PRDM16: variants seen among roughly 807,000 people sequenced by gnomAD.
PRDM16 encodes the protein histone-lysine N-methyltransferase PRDM16.
Under a neutral mutation model 110.6 loss-of-function variants are expected in PRDM16, and 23 were observed. That is an observed-to-expected ratio of 0.21 (90% CI 0.15 to 0.29). The LOEUF is 0.29. Among genes scored for constraint, PRDM16 ranks in the 10% least tolerant of loss-of-function variants. PRDM16 has a pLI of 1.00. For missense variants in PRDM16, 1,615 were observed against 1,794.3 expected, an observed-to-expected ratio of 0.90 and a Z score of 1.81; for synonymous variants, 799 against 781.8, an observed-to-expected ratio of 1.02 and a Z score of -0.37.
chr1:3,313,348 A>G (rs1462221007), intron 3 of PRDM16, among the ~76,000 whole-genome samples: 4 of 152,166 alleles, frequency 2.6e-5, no homozygotes, highest in Non-Finnish European at 4.4e-5. Context: ...GAGCTCCCAG[A>G]CCGGAGGGCG....
rs1642031436 is a variant in PRDM16, at chr1:3,081,656, T to C, written c.37+12360T>C. Among the ~76,000 whole-genome samples, 1 of 152,116 alleles carries C rather than the reference T, an allele frequency of 6.6e-6. No homozygotes were observed. The highest frequency in any genetic ancestry group is 1.5e-5 in the Non-Finnish European group (1 of 68,018). On this transcript the variant is annotated intron_variant, in intron 1 of 16. Transcript: ENST00000270722. The surrounding 1 kb of genome is among the most constrained non-coding windows in gnomAD (Gnocchi z 4.6). ...AGCTCCAGGAAGCCTTGCTGTGGAC[T>C]GGGCAGGACAGCTGGACCTCCTGGC...
chr1:3,358,758 G>A lies in PRDM16; in HGVS notation c.439-26394G>A, dbSNP rs1467572269. 6.6e-6 allele frequency among the ~76,000 whole-genome samples: 1 copy of A among 152,222 alleles called. No individual in the cohort carries two copies. Among genetic ancestry groups the A allele is most frequent in the Non-Finnish European group, 1.5e-5 (1 of 68,040 alleles). ...TAACCTGCTCCAAACCCAGGACACT[G>A]TGTGTGAGTCCCACCTCCTTCCAGT... On this transcript the variant is annotated intron_variant, in intron 3 of 16. Coordinates refer to ENST00000270722, the MANE Select transcript of PRDM16 (RefSeq NM_022114.4). The surrounding 1 kb of genome is among the most constrained non-coding windows in gnomAD (Gnocchi z 4.0).
chr1:3,333,936 AGC>A (rs2100494323), intron 3 of PRDM16, among the ~76,000 whole-genome samples: 1 of 152,264 alleles, frequency 6.6e-6, no homozygotes, highest in East Asian at 1.9e-4. Flanking sequence ...CCCTGAGCTG[AGC>A]TGATGCTGGT....
At chr1:3,230,980 C>T (rs968469400) in intron 2 of PRDM16, among the ~76,000 whole-genome samples, 2 of 152,062 alleles carry the variant, frequency 1.3e-5, no homozygotes, top group Non-Finnish European at 1.5e-5. Flanking sequence ...GGGGAAGGCT[C>T]GTCCCCGCCT....
chr1:3,175,940 C>T lies in PRDM16; in HGVS notation c.38-10185C>T, dbSNP rs1038862793. On this transcript the variant is annotated intron_variant, in intron 1 of 16. Transcript: ENST00000270722. This position sits in a 1 kb window ranked among gnomAD's most constrained non-coding sequence, Gnocchi z 4.8. ...TGTTGGAAACTGCCCTGGAGGTTGC[C>T]CTTACCCCATCCATCCATCCACTCA... 7.9e-5 allele frequency among the ~76,000 whole-genome samples: 12 copies of T among 152,006 alleles called. No individual in the cohort carries two copies. The highest frequency in any genetic ancestry group is 2.9e-4 in the African/African-American group (12 of 41,388).
chr1:3,079,439 G>A (rs1641971815), intron 1 of PRDM16, among the ~76,000 whole-genome samples: 1 of 152,156 alleles, frequency 6.6e-6, no homozygotes, highest in African/African-American at 2.4e-5. Context: ...ACTGTCCCAA[G>A]GTCCCTGGGT....
chr1:3,284,317 A>T (rs1340845761), intron 3 of PRDM16, among the ~76,000 whole-genome samples: 2 of 152,168 alleles, frequency 1.3e-5, no homozygotes, highest in Non-Finnish European at 1.5e-5. Flanking sequence ...ATGTAAACTG[A>T]GTGGTTCCTG....
chr1:3,146,018 C>G (rs551279263), intron 1 of PRDM16, among the ~76,000 whole-genome samples: 5 of 152,280 alleles, frequency 3.3e-5, no homozygotes, highest in Middle Eastern at 3.4e-3. Context: ...CCTCCTGGGC[C>G]CCGTTAGGGA....
chr1:3,244,611 A>T lies in PRDM16; in HGVS notation c.438+474A>T, dbSNP rs555646304. ...AATAAGCAAAACCACGAGGCGAGAG[A>T]AAAAGGGTCCACGTGGCATTATCCA... On this transcript the variant is annotated intron_variant, in intron 3 of 16. Transcript: ENST00000270722. This position sits in a 1 kb window ranked among gnomAD's most constrained non-coding sequence, Gnocchi z 4.1. Among the ~76,000 whole-genome samples the T allele has an allele frequency of 1.3e-4, 20 of 152,308 alleles. No individual in the cohort carries two copies. The highest frequency in any genetic ancestry group is 1.1e-3 in the Admixed American group (17 of 15,302).
chr1:3,155,737 TA>T (rs1222265154), intron 1 of PRDM16, among the ~76,000 whole-genome samples: 1 of 152,174 alleles, frequency 6.6e-6, no homozygotes, highest in Non-Finnish European at 1.5e-5. Flanking sequence ...TTTATTCAAA[TA>T]AAATCTAGGT....
intron 14 of PRDM16, among the ~76,000 whole-genome samples, chr1:3,430,285 C>A (rs1311360858): frequency 6.6e-6 from 1 of 152,184 alleles, no homozygotes; most frequent in Non-Finnish European, 1.5e-5. Flanking sequence ...CTGCAGTGAC[C>A]CTGAGGGAAG....
intron 8 of PRDM16, among the ~76,000 whole-genome samples, chr1:3,409,548 C>T (rs541716587): frequency 3.3e-5 from 5 of 152,228 alleles, no homozygotes; most frequent in South Asian, 2.1e-4. Context: ...ATCAGGCAGC[C>T]GACGATTTCT....
intron 2 of PRDM16, among the ~76,000 whole-genome samples, chr1:3,188,371 C>CA (rs1644295881): frequency 1.3e-5 from 2 of 151,546 alleles, no homozygotes; most frequent in Non-Finnish European, 2.9e-5. Context: ...TTTCTATTTG[C>CA]TTTTTTTTTA....
At chr1:3,298,938 G>A (rs377274486) in intron 3 of PRDM16, among the ~76,000 whole-genome samples, 2 of 152,312 alleles carry the variant, frequency 1.3e-5, no homozygotes, top group African/African-American at 4.8e-5. Flanking sequence ...CTTCAGGCTG[G>A]GTCTCCTCCC....
Position 3,434,197 on chromosome 1 carries a change from CAA to C in PRDM16, c.*389_*390del. 1 of 256,710 alleles carries C rather than the reference CAA, an allele frequency of 3.9e-6. No individual in the cohort carries two copies. 15.9% of individuals were successfully genotyped at this position (256,710 alleles called of 1,614,324 possible). On this transcript the variant is annotated 3_prime_UTR_variant, in exon 17 of 17. Coordinates refer to ENST00000270722, the MANE Select transcript of PRDM16 (RefSeq NM_022114.4). ...AAGGGAATGGATAGACTGGTGTGCT[CAA>C]AAGAGAGAGATCACTCAAATGATTT...
At chr1:3,229,512 G>C (rs1639360249) in intron 2 of PRDM16, among the ~76,000 whole-genome samples, 1 of 152,236 alleles carries the variant, frequency 6.6e-6, no homozygotes, top group Non-Finnish European at 1.5e-5. Flanking sequence ...GCATAGCTGA[G>C]AATCAAAGCG....
At chr1:3,102,001 T>C (rs1642544123) in intron 1 of PRDM16, among the ~76,000 whole-genome samples, 1 of 152,144 alleles carries the variant, frequency 6.6e-6, no homozygotes, top group South Asian at 2.1e-4. Context: ...TTCAACATTC[T>C]CAGCAACAGG....
chr1:3,130,310 G>A (rs894526500), intron 1 of PRDM16, among the ~76,000 whole-genome samples: 1 of 152,238 alleles, frequency 6.6e-6, no homozygotes, highest in Non-Finnish European at 1.5e-5. Flanking sequence ...CTCCAGGGCT[G>A]TGGTCTAAGC....
chr1:3,327,177 G>A (rs1641931643), intron 3 of PRDM16, among the ~76,000 whole-genome samples: 1 of 152,228 alleles, frequency 6.6e-6, no homozygotes, highest in South Asian at 2.1e-4. Context: ...CACTTGGCAG[G>A]GCACCCCCTC....
Sources: allele counts gnomAD v4.1 joint callset (sites outside exome capture counted in the v4.1 genomes callset), GRCh38; gene constraint gnomAD v4.1.1; non-coding constraint Gnocchi (gnomAD v3.1); transcripts MANE v1.5; gene names NCBI Gene and HGNC (gene_info 2026-07-23, HGNC 2026-07-21).